Variants in BTBD9 observed in about 807,000 individuals in gnomAD.
BTBD9 encodes BTB/POZ domain-containing protein 9.
BTBD9 carries 49 observed loss-of-function variants against 64.3 expected under a neutral mutation model. The ratio of observed to expected loss-of-function variants is 0.76; its 90% CI spans 0.61 to 0.97. The LOEUF (loss-of-function observed/expected upper bound fraction) is 0.97, where lower values mean the gene tolerates loss of function less well. Ranked by LOEUF, BTBD9 falls within the 50% of genes least tolerant of loss-of-function variation. BTBD9 has a pLI of 0.00. For synonymous variants in BTBD9, 260 were observed against 274.7 expected (o/e 0.95, Z 0.53); for missense variants, 598 against 762.1 (o/e 0.78, Z 2.53).
At chr6:38,255,941 G>T (rs1764562616) in intron 9 of BTBD9, among the ~76,000 whole-genome samples, 2 of 152,074 alleles carry the variant, frequency 1.3e-5, no homozygotes, top group Non-Finnish European at 2.9e-5. Context: ...GTAGGAGAGG[G>T]ATAGCATTAA....
intron 9 of BTBD9, among the ~76,000 whole-genome samples, chr6:38,221,690 G>GT (rs1211475083): frequency 3.3e-5 from 5 of 152,202 alleles, no homozygotes; most frequent in African/African-American, 1.2e-4. Flanking sequence ...AAGCAATGCT[G>GT]TAAGAGATAT....
At chr6:38,452,899 GACATCAATTC>G (rs1769621566) in intron 6 of BTBD9, among the ~76,000 whole-genome samples, 1 of 152,056 alleles carries the variant, frequency 6.6e-6, no homozygotes, top group African/African-American at 2.4e-5. Context: ...TGAGGAAAAG[GACATCAATTC>G]ACATAAAAAC....
chr6:38,260,772 C>T (rs1764761809), intron 8 of BTBD9, among the ~76,000 whole-genome samples: 1 of 152,096 alleles, frequency 6.6e-6, no homozygotes, highest in African/African-American at 2.4e-5. Context: ...TAACTTGCTA[C>T]TTTTGCTTAA....
chr6:38,487,864 G>A (rs1465777313), intron 6 of BTBD9, among the ~76,000 whole-genome samples: 1 of 152,122 alleles, frequency 6.6e-6, no homozygotes, highest in Non-Finnish European at 1.5e-5. Context: ...AGAATAATTT[G>A]TAACAGAGAC....
intron 7 of BTBD9, among the ~76,000 whole-genome samples, chr6:38,341,163 T>A (rs1351850022): frequency 5.3e-5 from 8 of 152,216 alleles, no homozygotes; most frequent in African/African-American, 1.9e-4. Context: ...AATATGGACC[T>A]TAACTGAGTT....
intron 9 of BTBD9, among the ~76,000 whole-genome samples, chr6:38,244,750 T>G (rs1424494615): frequency 6.6e-6 from 1 of 152,154 alleles, no homozygotes; most frequent in African/African-American, 2.4e-5. Flanking sequence ...CAATGATAGA[T>G]GTAAAAACCA....
chr6:38,380,998 GA>G (rs143052696), intron 6 of BTBD9, among the ~76,000 whole-genome samples: 212 of 152,184 alleles, frequency 1.4e-3, no homozygotes, highest in African/African-American at 4.8e-3. Context: ...AGTATAGTAA[GA>G]GGGGGTCAGA....
rs539793768 is a variant in BTBD9 at position 38,522,956 on chromosome 6, G to A, written c.1154+54644C>T. 3.9e-5 allele frequency among the ~76,000 whole-genome samples: 6 copies of A among 152,172 alleles called. 1 individual carries two copies. The South Asian group carries it at 1.2e-3, about 31-fold the overall frequency. On this transcript the variant is annotated intron_variant, in intron 6 of 10. Transcript: ENST00000481247. ...CCAGCACTTTGGGAAGCTGAGGCGG[G>A]TGGATCACCTGAGGTCAGGAGTTTG...
intron 10 of BTBD9, among the ~76,000 whole-genome samples, chr6:38,176,292 T>C (rs1205086749): frequency 6.6e-6 from 1 of 152,238 alleles, no homozygotes; most frequent in African/African-American, 2.4e-5. Context: ...ATTGAAAATA[T>C]AAATTCCACG....
chr6:38,505,954 T>C (rs1294852370), intron 6 of BTBD9, among the ~76,000 whole-genome samples: 1 of 23,936 alleles, frequency 4.2e-5, no homozygotes, highest in Non-Finnish European at 1.3e-4. Context: ...ACAGCATGGC[T>C]CCGTCTCAAC....
At chr6:38,465,415 A>G (rs1770301572) in intron 6 of BTBD9, among the ~76,000 whole-genome samples, 1 of 148,160 alleles carries the variant, frequency 6.7e-6, no homozygotes, top group Admixed American at 6.8e-5. Flanking sequence ...CAGGAAATCG[A>G]GACCATCCTG....
intron 1 of BTBD9, among the ~76,000 whole-genome samples, chr6:38,613,322 G>A (rs1192040606): frequency 6.6e-6 from 1 of 152,058 alleles, no homozygotes; most frequent in Non-Finnish European, 1.5e-5. Context: ...AAGTCATACT[G>A]CCAGAATTAA....
At position 38,341,812 on chromosome 6, in the gene BTBD9, G is replaced by C. The variant is rs115031134; in HGVS notation, c.1264+3172C>G. ...AAAGAATACATTCTAGCAAGATCCAGAGGCAGCCACCAAATGAGAAGAGGC... is the reference window on the plus strand; with the variant it reads ...AAAGAATACATTCTAGCAAGATCCACAGGCAGCCACCAAATGAGAAGAGGC... On this transcript the variant is annotated intron_variant, in intron 7 of 10. Coordinates refer to ENST00000481247, the MANE Select transcript of BTBD9 (RefSeq NM_001099272.2). Among the ~76,000 whole-genome samples, 713 of 152,318 alleles carry C rather than the reference G, an allele frequency of 4.7e-3. 1 individual carries two copies. Among genetic ancestry groups the C allele is most frequent in the Middle Eastern group, 0.01 (3 of 294 alleles).
At chr6:38,517,704 C>T (rs954271216) in intron 6 of BTBD9, among the ~76,000 whole-genome samples, 3 of 152,188 alleles carry the variant, frequency 2.0e-5, no homozygotes, top group African/African-American at 7.2e-5. Flanking sequence ...ACTCTTAGTT[C>T]CTCCTTGCAA....
In BTBD9 at chr6:38,185,580, G is replaced by T. The variant is rs376756796; in HGVS notation, c.1641+6939C>A. Among the ~76,000 whole-genome samples the T allele has an allele frequency of 8.5e-5, 13 of 152,238 alleles. No individual in the cohort carries two copies. In the East Asian group the frequency reaches 1.4e-3, roughly 16 times the overall value. ...AATTAGTTAACGTCTCTCAGCCTCG[G>T]TTGCCTCTAAACTTTTTACTGCCAA... On this transcript the variant is annotated intron_variant, in intron 10 of 10. Transcript: ENST00000481247.
At chr6:38,574,303 G>C (rs1040265993) in intron 6 of BTBD9, among the ~76,000 whole-genome samples, 1 of 152,066 alleles carries the variant, frequency 6.6e-6, no homozygotes, top group African/African-American at 2.4e-5. Flanking sequence ...TAGATGAGTG[G>C]CAAATCTTAT....
At chr6:38,494,433 A>T (rs1202222505) in intron 6 of BTBD9, among the ~76,000 whole-genome samples, 4 of 152,254 alleles carry the variant, frequency 2.6e-5, no homozygotes, top group Non-Finnish European at 4.4e-5. Context: ...GACAACTGCA[A>T]TGAGAGGGAA....
intron 3 of BTBD9, among the ~76,000 whole-genome samples, chr6:38,593,187 A>T (rs1357381747): frequency 6.6e-6 from 1 of 152,056 alleles, no homozygotes; most frequent in Non-Finnish European, 1.5e-5. Flanking sequence ...TTGTTAAGTT[A>T]GAAAGACATA....
At chr6:38,205,873 C>A (rs1762624371) in intron 9 of BTBD9, among the ~76,000 whole-genome samples, 1 of 10,486 alleles carries the variant, frequency 9.5e-5, no homozygotes, top group African/African-American at 4.4e-4. Flanking sequence ...GAGCAGGAGT[C>A]TGTCTCAAAA....
Sources: allele counts gnomAD v4.1 joint callset (sites outside exome capture counted in the v4.1 genomes callset), GRCh38; gene constraint gnomAD v4.1.1; transcripts MANE v1.5; gene names NCBI Gene and HGNC (gene_info 2026-07-23, HGNC 2026-07-21).